NHSL1: variants seen among roughly 807,000 people sequenced by gnomAD.
NHSL1 encodes the protein NHS-like protein 1.
In NHSL1, 48 loss-of-function variants were observed where a neutral mutation model predicts 95.0. That is an observed-to-expected ratio of 0.51 (90% CI 0.40 to 0.64). NHSL1 has a LOEUF of 0.64. Ranked by LOEUF, NHSL1 falls within the 30% of genes least tolerant of loss-of-function variation. The pLI is 0.00. For missense variants in NHSL1, 1,971 were observed against 2,077.7 expected (o/e 0.95, Z 1.00); for synonymous variants, 783 against 833.9 (o/e 0.94, Z 1.05).
In NHSL1 at chr6:138,422,274, T is replaced by C. The variant is rs963663312; in HGVS notation, c.*1807A>G. ...CAATGCCACTTTTCTAAAGAAACGA[T>C]CTTTGTGCCAAATTAGTAGACAATT... On this transcript the variant is annotated 3_prime_UTR_variant, in exon 8 of 8. Transcript: ENST00000343505. 2 of 152,250 alleles carry C rather than the reference T, an allele frequency of 1.3e-5. No individual in the cohort carries two copies. The highest frequency in any genetic ancestry group is 1.9e-4 in the East Asian group (1 of 5,202). The allele number at this position is 152,250 out of a possible 1,614,324, so 9.4% of individuals were successfully genotyped here.
chr6:138,571,317 G>A (rs899832103), intron 1 of NHSL1, among the ~76,000 whole-genome samples: 6 of 152,150 alleles, frequency 3.9e-5, no homozygotes, highest in Non-Finnish European at 7.3e-5. Flanking sequence ...GATTCCCGAA[G>A]TTTTCTCAGT....
chr6:138,444,907 T>G (rs959781177), intron 4 of NHSL1, among the ~76,000 whole-genome samples: 40 of 152,316 alleles, frequency 2.6e-4, no homozygotes, highest in African/African-American at 8.9e-4. Flanking sequence ...TATATTTACT[T>G]TTGGCATTTC....
chr6:138,690,465 G>A (rs1373521751), intron 1 of NHSL1, among the ~76,000 whole-genome samples: 1 of 151,944 alleles, frequency 6.6e-6, no homozygotes, highest in Non-Finnish European at 1.5e-5. Context: ...ATGGGGCCAC[G>A]TGTGGTAGCT....
chr6:138,687,616 A>C (rs1230022212), intron 1 of NHSL1, among the ~76,000 whole-genome samples: 1 of 152,214 alleles, frequency 6.6e-6, no homozygotes, highest in Non-Finnish European at 1.5e-5. Context: ...CTTCCCTCCT[A>C]TCTCACAAGG....
chr6:138,692,553 C>G lies in NHSL1; in HGVS notation c.20G>C (p.Arg7Pro). 5.0e-6 allele frequency: 1 copy of G among 199,152 alleles called. No homozygotes were observed. The highest frequency in any genetic ancestry group is 1.0e-5 in the Non-Finnish European group (1 of 99,278). 12.3% of individuals were successfully genotyped at this position (199,152 alleles called of 1,614,324 possible). Residue 7 changes from arginine (R) to proline (P), a missense_variant, in exon 1 of 4, where the codon CGC (arginine) becomes CCC (proline). Coordinates refer to the NHSL1 transcript ENST00000491526. The surrounding 1 kb of genome is among the most constrained non-coding windows in gnomAD (Gnocchi z 4.0). ...GAGGCGGCGGTGCAGCGCGGCGGTGCGGTGGCCCAGCGCGGCCGCCTGGCC... is the reference window on the plus strand; with the variant it reads ...GAGGCGGCGGTGCAGCGCGGCGGTGGGGTGGCCCAGCGCGGCCGCCTGGCC...
At chr6:138,658,570 AT>A (rs1053810710) in intron 1 of NHSL1, among the ~76,000 whole-genome samples, 2 of 152,070 alleles carry the variant, frequency 1.3e-5, no homozygotes, top group African/African-American at 4.8e-5. Flanking sequence ...TAAACACCAC[AT>A]TTTCTTTATC....
intron 1 of NHSL1, among the ~76,000 whole-genome samples, chr6:138,604,379 A>G (rs1000673602): frequency 2.0e-5 from 3 of 152,170 alleles, no homozygotes; most frequent in African/African-American, 7.2e-5. Flanking sequence ...AAATCTAACG[A>G]ACACTAAGGA....
chr6:138,424,028 T>G lies in NHSL1; in HGVS notation c.*53A>C. On this transcript the variant is annotated 3_prime_UTR_variant, in exon 8 of 8. Coordinates refer to ENST00000343505, the MANE Select transcript of NHSL1 (RefSeq NM_001144060.2). This position sits in a 1 kb window ranked among gnomAD's most constrained non-coding sequence, Gnocchi z 5.9. Reference sequence around the variant, plus strand: ...AGGGCGCCTAGCAGGCTTCCTAGAGTGCTGCATTGCTCGTCTCCCCCCGTG... The same window carrying G: ...AGGGCGCCTAGCAGGCTTCCTAGAGGGCTGCATTGCTCGTCTCCCCCCGTG... The G allele has an allele frequency of 1.5e-6, 2 of 1,326,098 alleles. No homozygotes were observed. Among genetic ancestry groups the G allele is most frequent in the Non-Finnish European group, 1.9e-6 (2 of 1,040,852 alleles). The allele number at this position is 1,326,098 out of a possible 1,614,324, so 82.1% of individuals were successfully genotyped here. A position where few individuals can be genotyped will look rare whatever the true frequency, so the allele number is the denominator to read the frequency against.
chr6:138,476,982 A>G (rs1472913750), intron 2 of NHSL1, among the ~76,000 whole-genome samples: 1 of 147,514 alleles, frequency 6.8e-6, no homozygotes, highest in Non-Finnish European at 1.5e-5. Context: ...AAAAAAAAAA[A>G]GACTCAAGTT....
intron 3 of NHSL1, among the ~76,000 whole-genome samples, chr6:138,449,810 A>G (rs1329232211): frequency 6.6e-6 from 1 of 152,234 alleles, no homozygotes; most frequent in Non-Finnish European, 1.5e-5. Flanking sequence ...AGGCATGTGG[A>G]AAAGATAAAT....
At chr6:138,592,708 G>C (rs1268932505) in intron 1 of NHSL1, among the ~76,000 whole-genome samples, 1 of 152,172 alleles carries the variant, frequency 6.6e-6, no homozygotes, top group Non-Finnish European at 1.5e-5. Flanking sequence ...TTGCCCTTAA[G>C]GAAAAAGGTG....
intron 1 of NHSL1, among the ~76,000 whole-genome samples, chr6:138,657,205 T>C (rs779868718): frequency 3.3e-5 from 5 of 152,192 alleles, no homozygotes; most frequent in Non-Finnish European, 7.4e-5. Context: ...CCAGGATTAG[T>C]GCAGCTGCTC....
At chr6:138,627,553 T>A (rs1237708354) in intron 1 of NHSL1, among the ~76,000 whole-genome samples, 1 of 152,196 alleles carries the variant, frequency 6.6e-6, no homozygotes, top group Non-Finnish European at 1.5e-5. Context: ...TAAATTTTCA[T>A]AGTATTCAAA....
Position 138,439,749 on chromosome 6 carries a change from C to T in NHSL1, c.664+2234G>A, listed in dbSNP as rs534965889. Among the ~76,000 whole-genome samples the T allele has an allele frequency of 4.0e-5, 6 of 151,872 alleles. No homozygotes were observed. The South Asian group carries it at 1.2e-3, about 31-fold the overall frequency. ...ATGTCATCGACCGTAATGATATTGA[C>T]TGTCTCGTGTCTGGCAACAGTCACA... On this transcript the variant is annotated intron_variant, in intron 5 of 7. Transcript: ENST00000343505.
At chr6:138,503,539 A>AT (rs1302942814), upstream of NHSL1, among the ~76,000 whole-genome samples, 1 of 152,154 alleles carries the variant, frequency 6.6e-6, no homozygotes, top group East Asian at 1.9e-4. Context: ...CACCACACCC[A>AT]TTTGTTCAAA....
chr6:138,454,508 GA>G (rs1777457624), intron 3 of NHSL1, among the ~76,000 whole-genome samples: 1 of 137,800 alleles, frequency 7.3e-6, no homozygotes, highest in Non-Finnish European at 1.5e-5. Context: ...ATTACTGGGG[GA>G]AAAACATGAG....
chr6:138,539,502 A>G (rs776134608), intron 1 of NHSL1, among the ~76,000 whole-genome samples: 2 of 152,210 alleles, frequency 1.3e-5, no homozygotes, highest in Non-Finnish European at 2.9e-5. Flanking sequence ...CCTTGTAACT[A>G]GAAGGAGTTC....
At chr6:138,666,697 T>C (rs1278459463) in intron 1 of NHSL1, among the ~76,000 whole-genome samples, 4 of 151,804 alleles carry the variant, frequency 2.6e-5, no homozygotes, top group South Asian at 2.1e-4. Context: ...ACAATTTATA[T>C]ATAATATGAT....
rs1251312416 is a variant in NHSL1, at chr6:138,589,160, A to T, written c.97-92789T>A. Among the ~76,000 whole-genome samples, 6 of 152,210 alleles carry T rather than the reference A, an allele frequency of 3.9e-5. No individual in the cohort carries two copies. In the South Asian group the frequency reaches 1.0e-3, roughly 26 times the overall value. On this transcript the variant is annotated intron_variant, in intron 1 of 3. Coordinates refer to the NHSL1 transcript ENST00000491526. ...ATCTGAGGGTGGCTCATAAAATGAA[A>T]GCAATCAAGTATCCATTAGCTTCAA...
Sources: gnomAD v4.1 joint callset for allele counts (sites outside exome capture counted in the v4.1 genomes callset) on GRCh38, gnomAD v4.1.1 for gene constraint, Gnocchi (gnomAD v3.1) non-coding constraint, MANE v1.5 for transcripts, NCBI Gene and HGNC (gene_info 2026-07-23, HGNC 2026-07-21) for gene names.